Variants in ACAD11 observed in about 807,000 individuals in gnomAD.
ACAD11 encodes the protein acyl-CoA dehydrogenase family member 11, also known as acyl-Coenzyme A dehydrogenase family, member 11.
ACAD11 carries 83 observed loss-of-function variants against 102.2 expected under a neutral mutation model. That is an observed-to-expected ratio of 0.81 (90% CI 0.68 to 0.97). The LOEUF is 0.97. Among genes scored for constraint, ACAD11 ranks in the 50% least tolerant of loss-of-function variants. The pLI is 0.00. For synonymous variants in ACAD11, 324 were observed against 319.8 expected, an observed-to-expected ratio of 1.01 and a Z score of -0.14; for missense variants, 901 against 951.7, an observed-to-expected ratio of 0.95 and a Z score of 0.70.
Position 132,578,876 on chromosome 3 carries a change from T to C in ACAD11, c.1694A>G (p.Lys565Arg). 1.2e-6 allele frequency: 2 copies of C among 1,612,270 alleles called. No homozygotes were observed. The highest frequency in any genetic ancestry group is 2.2e-5 in the South Asian group (2 of 90,952). ...RTQNTSLSRH[K>R]QHSMILVPMN... ...GGGAACAAGAATCATGCTGTGCTGT[T>C]TGTGTCTAGTCAAAAGAAAAATTGT... Residue 565 changes from lysine to arginine, a missense_variant, in exon 15 of 20, where the codon AAA (lysine) becomes AGA (arginine). Physicochemically the swap from Lys to Arg is conservative, Grantham distance 26. Coordinates refer to ENST00000264990, the MANE Select transcript of ACAD11 (RefSeq NM_032169.5).
chr3:132,617,668 C>A (rs1939459326), intron 11 of ACAD11, among the ~76,000 whole-genome samples: 1 of 152,194 alleles, frequency 6.6e-6, no homozygotes, highest in African/African-American at 2.4e-5. Context: ...GTGATCCTTT[C>A]AAAACTGAAG....
chr3:132,653,774 C>CT (rs1292595661), intron 1 of ACAD11, among the ~76,000 whole-genome samples: 9 of 152,154 alleles, frequency 5.9e-5, no homozygotes, highest in Non-Finnish European at 7.4e-5. Flanking sequence ...GCCACTTCTT[C>CT]TAAGACTCCT....
chr3:132,602,875 G>T (rs976981131), intron 13 of ACAD11, among the ~76,000 whole-genome samples: 2 of 152,056 alleles, frequency 1.3e-5, no homozygotes, highest in Non-Finnish European at 2.9e-5. Flanking sequence ...CCATCTCAGC[G>T]CATGTCAACT....
At position 132,651,206 on chromosome 3, in the gene ACAD11, T is replaced by G. The variant is rs556587925; in HGVS notation, c.150-6310A>C. Among the ~76,000 whole-genome samples, 30 of 152,300 alleles carry G rather than the reference T, an allele frequency of 2.0e-4. No individual in the cohort carries two copies. In the South Asian group the frequency reaches 6.0e-3, roughly 31 times the overall value. On this transcript the variant is annotated intron_variant, in intron 1 of 19. Transcript: ENST00000264990. ...TTGCTCTCCCTCCTGTGTAAATTCT[T>G]CCCTCAGCTTTGAATCTCAGGCCAT...
intron 1 of ACAD11, among the ~76,000 whole-genome samples, chr3:132,647,852 C>T (rs1940772421): frequency 6.6e-6 from 1 of 152,126 alleles, no homozygotes; most frequent in Admixed American, 6.5e-5. Context: ...AATCAAGGCA[C>T]CAGCAGATTC....
intron 13 of ACAD11, among the ~76,000 whole-genome samples, chr3:132,599,141 C>T (rs1049143627): frequency 7.9e-5 from 12 of 151,872 alleles, no homozygotes; most frequent in Admixed American, 3.3e-4. Context: ...GGCAAAACCC[C>T]GTCTCTATCA....
chr3:132,643,074 G>A (rs1269701112), intron 2 of ACAD11, among the ~76,000 whole-genome samples: 3 of 152,196 alleles, frequency 2.0e-5, no homozygotes. Context: ...ATAATGTGAA[G>A]GCAATAGTTA....
chr3:132,634,821 C>T (rs1026595266), intron 5 of ACAD11, among the ~76,000 whole-genome samples: 10 of 148,008 alleles, frequency 6.8e-5, no homozygotes, highest in African/African-American at 2.5e-4. Context: ...AACCAAACAC[C>T]ACATGTTCTC....
In ACAD11 at chr3:132,642,136, A is replaced by G. The variant is rs1414537288; in HGVS notation, c.376-3T>C. 4 of 1,611,530 alleles carry G rather than the reference A, an allele frequency of 2.5e-6. No individual in the cohort carries two copies. In the South Asian group the frequency reaches 3.3e-5, roughly 13 times the overall value. ...GTTAAATCACGGAAGATTCGACCCTATGGAAGTGATTACAACAGATTATTT... is the reference window on the plus strand; with the variant it reads ...GTTAAATCACGGAAGATTCGACCCTGTGGAAGTGATTACAACAGATTATTT... On this transcript the variant is annotated splice_polypyrimidine_tract_variant and splice_region_variant and intron_variant, in intron 3 of 19. Transcript: ENST00000264990.
At chr3:132,620,818 C>T (rs1939579111) in intron 9 of ACAD11, among the ~76,000 whole-genome samples, 1 of 152,130 alleles carries the variant, frequency 6.6e-6, no homozygotes, top group African/African-American at 2.4e-5. Flanking sequence ...ATATGGGGGC[C>T]TAAGCTTTGT....
intron 15 of ACAD11, among the ~76,000 whole-genome samples, chr3:132,577,970 T>C (rs6777846): frequency 0.41 from 62,320 of 152,092 alleles, 15,692 homozygotes; most frequent in East Asian, 0.71. Context: ...GTGGGTATAC[T>C]CTACAGCTGC....
Position 132,605,122 on chromosome 3 carries a change from T to A in ACAD11, c.1498A>T (p.Ile500Phe). Residue 500 changes from isoleucine to phenylalanine, a missense_variant, in exon 12 of 20, where the codon ATT (isoleucine) becomes TTT (phenylalanine). By Grantham distance (21) the Ile-to-Phe change is conservative. Transcript: ENST00000264990. ...QWLEPLLQGN[I>F]TSCFCMTEPD... is the part of the protein sequence containing the mutation. ...CCTGTCATACAGAAGCAAGAGGTAA[T>A]GTTCCCTTGAAGAAGAGGCTCAAGC... 9.9e-6 allele frequency: 16 copies of A among 1,613,178 alleles called. No homozygotes were observed. The highest frequency in any genetic ancestry group is 1.4e-5 in the Non-Finnish European group (16 of 1,179,312).
intron 7 of ACAD11, among the ~76,000 whole-genome samples, chr3:132,628,919 C>CTGAA (rs1939927398): frequency 6.6e-6 from 1 of 152,176 alleles, no homozygotes; most frequent in Non-Finnish European, 1.5e-5. Context: ...TAGTTGAATG[C>CTGAA]TAATCAGTGT....
At chr3:132,574,783 T>G (rs1450949196) in intron 17 of ACAD11, among the ~76,000 whole-genome samples, 1 of 152,216 alleles carries the variant, frequency 6.6e-6, no homozygotes, top group East Asian at 1.9e-4. Context: ...TAGAAGACTT[T>G]TTAAGGAAGT....
At chr3:132,650,211 T>C (rs1940882599) in intron 1 of ACAD11, 1 of 152,212 alleles carries the variant, frequency 6.6e-6, no homozygotes, top group African/African-American at 2.4e-5. Flanking sequence ...GAGTCATCAA[T>C]GACTGGTCAA....
chr3:132,583,799 C>T (rs1937671982), intron 13 of ACAD11, among the ~76,000 whole-genome samples: 1 of 152,058 alleles, frequency 6.6e-6, no homozygotes, highest in Non-Finnish European at 1.5e-5. Context: ...GCCTTCATTT[C>T]GTTATGTACC....
chr3:132,579,886 T>G (rs1349991852), intron 13 of ACAD11, among the ~76,000 whole-genome samples: 2 of 152,156 alleles, frequency 1.3e-5, no homozygotes, highest in Non-Finnish European at 2.9e-5. Flanking sequence ...ATATGTCTAA[T>G]ATAATATTTT....
At chr3:132,640,398 T>G (rs1940447504) in intron 4 of ACAD11, among the ~76,000 whole-genome samples, 1 of 152,192 alleles carries the variant, frequency 6.6e-6, no homozygotes, top group Admixed American at 6.5e-5. Context: ...TACTTTTCAT[T>G]TTAATACTCT....
intron 3 of ACAD11, among the ~76,000 whole-genome samples, chr3:132,642,429 T>G (rs1459025594): frequency 6.6e-6 from 1 of 152,246 alleles, no homozygotes; most frequent in Non-Finnish European, 1.5e-5. Context: ...AGCTCTTTAC[T>G]GACACCTAGA....
Sources: gnomAD v4.1 joint callset for allele counts (sites outside exome capture counted in the v4.1 genomes callset) on GRCh38, gnomAD v4.1.1 for gene constraint, MANE v1.5 for transcripts, NCBI Gene and HGNC (gene_info 2026-07-23, HGNC 2026-07-21) for gene names.